The following RIMBP3 variants were observed in gnomAD, a reference collection of about 807,000 sequenced individuals.
The protein encoded by RIMBP3 is RIMS-binding protein 3A.
A neutral mutation model predicts 85.4 loss-of-function variants in RIMBP3; 1 was observed. That is an observed-to-expected ratio of 0.01 (90% CI 0.00 to 0.06). The LOEUF is 0.06. Among genes scored for constraint, RIMBP3 ranks in the 10% least tolerant of loss-of-function variants. RIMBP3 has a pLI of 1.00. For synonymous variants in RIMBP3, 10 were observed against 660.9 expected, an observed-to-expected ratio of 0.02 and a Z score of 15.11; for missense variants, 29 against 1,504.2, an observed-to-expected ratio of 0.02 and a Z score of 16.22.
chr22:18,607,249 G>T lies in RIMBP3; in HGVS notation c.4186C>A (p.Arg1396=). ...LCLDLWGTER[R]EERREPEPHS... ...GGCTCAGGCTCCCTCCTCTCCTCTCGCCTCTCTGTGCCCCACAGATCCAAG... is the reference window on the plus strand; with the variant it reads ...GGCTCAGGCTCCCTCCTCTCCTCTCTCCTCTCTGTGCCCCACAGATCCAAG... The change falls in exon 1 of 1, where the codon CGA becomes AGA. Residue 1396 remains arginine (R), a synonymous_variant. Coordinates refer to ENST00000619918, the MANE Select transcript of RIMBP3 (RefSeq NM_015672.2). The T allele has an allele frequency of 6.3e-7, 1 of 1,596,264 alleles. No individual in the cohort carries two copies.
the RIMBP3 span, chr22:18,609,457 G>GCT: frequency 7.0e-7 from 1 of 1,432,000 alleles, no homozygotes; most frequent in East Asian, 2.6e-5. Flanking sequence ...TGCTGCAGCA[G>GCT]CTGTTCGGCG....
At chr22:18,607,020 A>AGG in the RIMBP3 span, 1 of 1,178,574 alleles carries the variant, frequency 8.5e-7, no homozygotes, top group Non-Finnish European at 1.2e-6. Context: ...TGCAGCCTTG[A>AGG]GGTTGGCAGA....
the RIMBP3 span, chr22:18,609,401 C>CG: frequency 8.6e-7 from 1 of 1,162,552 alleles, no homozygotes; most frequent in Non-Finnish European, 1.2e-6. Flanking sequence ...GGGCCTTCTG[C>CG]GGGTCGCGTT....
Position 18,609,504 on chromosome 22 carries a change from CCCAGGTGGCCGCGCA to C in RIMBP3, c.1916_1930del (p.Val639_Leu643del). 6.6e-7 allele frequency: 1 copy of C among 1,507,850 alleles called. No homozygotes were observed. The highest frequency in any genetic ancestry group is 8.8e-7 in the Non-Finnish European group (1 of 1,135,428). 93.4% of individuals were successfully genotyped at this position (1,507,850 alleles called of 1,614,324 possible). On this transcript the variant is annotated inframe_deletion, in exon 1 of 1. Transcript: ENST00000619918. ...GGCATCGCGCTCTTGACACGCGCGG[CCCAGGTGGCCGCGCA>C]CTTCGCTATTCTCAGCCTCCACCTT...
In RIMBP3 at chr22:18,607,150, G is replaced by GACA; in HGVS notation, c.4282_4284dup (p.Cys1428dup). On this transcript the variant is annotated inframe_insertion, in exon 1 of 1. Coordinates refer to ENST00000619918, the MANE Select transcript of RIMBP3 (RefSeq NM_015672.2). ...TTGATGACTTTGGCGGATGGAGCTG[G>GACA]ACACAGTGCCGAGCTGGGCTCATGG... 6.6e-7 allele frequency: 1 copy of GACA among 1,514,448 alleles called. No individual in the cohort carries two copies. 93.8% of individuals were successfully genotyped at this position (1,514,448 alleles called of 1,614,324 possible).
At chr22:18,607,024 TG>T in the RIMBP3 span, 1 of 1,201,972 alleles carries the variant, frequency 8.3e-7, no homozygotes, top group Non-Finnish European at 1.2e-6. Context: ...GCCTTGAGGT[TG>T]GCAGACATCA....
chr22:18,607,841 GC>G, the RIMBP3 span: 1 of 1,546,834 alleles, frequency 6.5e-7, no homozygotes, highest in African/African-American at 1.4e-5. Context: ...CACAAGTGTA[GC>G]TAAAGGGTGG....
rs201532727 is a variant in RIMBP3, at chr22:18,608,162, A to C, written c.3273T>G (p.Asp1091Glu). 119,250 of 1,299,858 alleles carry C rather than the reference A, an allele frequency of 0.092. 5,243 individuals are homozygous for C. Among genetic ancestry groups the C allele is most frequent in the East Asian group, 0.46 (16,316 of 35,298 alleles). The allele number at this position is 1,299,858 out of a possible 1,614,324, so 80.5% of individuals were successfully genotyped here. The change falls in exon 1 of 1, where the codon GAT (aspartate) becomes GAG (glutamate). Residue 1091 changes from aspartate to glutamate, a missense_variant. By Grantham distance (45) the Asp-to-Glu change is conservative. Transcript: ENST00000619918. ...LLAGPPYPPL[D>E]VLVERHASPG... ...GCGAGGCATGGCGCTCCACCAGCACATCCAGCGGTGGGTAGGGAGGTCCTG... is the reference window on the plus strand; with the variant it reads ...GCGAGGCATGGCGCTCCACCAGCACCTCCAGCGGTGGGTAGGGAGGTCCTG...
the RIMBP3 span, chr22:18,608,600 G>T: frequency 1.2e-6 from 2 of 1,611,874 alleles, no homozygotes; most frequent in Admixed American, 1.7e-5. Context: ...TGACCATCTG[G>T]CACAGCCCTC....
the RIMBP3 span, chr22:18,608,946 GCAGGAGCCGCCGAGCC>G: frequency 1.2e-5 from 19 of 1,540,026 alleles, no homozygotes; most frequent in Non-Finnish European, 1.6e-5. Flanking sequence ...CTTGGGGGCA[GCAGGAGCCGCCGAGCC>G]CCCCATTTCC....
At chr22:18,607,530 G>T in the RIMBP3 span, 1 of 1,368,182 alleles carries the variant, frequency 7.3e-7, no homozygotes, top group Non-Finnish European at 9.9e-7. Context: ...GTCACTGACT[G>T]AAGGTGGCCT....
chr22:18,609,357 T>TGTA lies in RIMBP3; in HGVS notation c.2075_2077dup (p.Ile692_Gln693insLeu). 3.3e-6 allele frequency: 3 copies of TGTA among 900,424 alleles called. No homozygotes were observed. Among genetic ancestry groups the TGTA allele is most frequent in the Non-Finnish European group, 4.8e-6 (3 of 631,062 alleles). The allele number at this position is 900,424 out of a possible 1,614,324, so 55.8% of individuals were successfully genotyped here. On this transcript the variant is annotated inframe_insertion, in exon 1 of 1. Coordinates refer to ENST00000619918, the MANE Select transcript of RIMBP3 (RefSeq NM_015672.2). ...GTGACCAGGCCGACACTGGAGCGCC[T>TGTA]GTATCTCCTTCCAGGAAGGATGGAG...
the RIMBP3 span, chr22:18,609,475 C>CGG: frequency 0.079 from 108,917 of 1,378,916 alleles, 29 homozygotes; most frequent in South Asian, 0.089. Flanking sequence ...GCGATCAAGC[C>CGG]GGAGGCATCG....
chr22:18,609,787 CGTTGCCCT>C, the RIMBP3 span: 1 of 1,474,126 alleles, frequency 6.8e-7, no homozygotes, highest in East Asian at 2.5e-5. Flanking sequence ...CAAGCGCCAC[CGTTGCCCT>C]GCTGAAGCAT....
Position 18,608,328 on chromosome 22 carries a change from G to C in RIMBP3, c.3107C>G (p.Ala1036Gly), listed in dbSNP as rs769099974. 1 of 1,610,146 alleles carries C rather than the reference G, an allele frequency of 6.2e-7. No individual in the cohort carries two copies. Among genetic ancestry groups the C allele is most frequent in the African/African-American group, 1.3e-5 (1 of 74,860 alleles). The change falls in exon 1 of 1, where the codon GCG becomes GGG. Residue 1036 changes from alanine to glycine, a missense_variant. Ala to Gly is a moderately conservative substitution (Grantham distance 60). Coordinates refer to ENST00000619918, the MANE Select transcript of RIMBP3 (RefSeq NM_015672.2). ...LDDREHALTP[A>G]GVSCYTFQGL... Reference sequence around the variant, plus strand: ...CTGGAAGGTGTAGCAGCTCACGCCCGCTGGGGTCAGGGCATGCTCTCGGTC... The same window carrying C: ...CTGGAAGGTGTAGCAGCTCACGCCCCCTGGGGTCAGGGCATGCTCTCGGTC...
Position 18,608,325 on chromosome 22 carries a change from C to G in RIMBP3, c.3110G>C (p.Gly1037Ala), listed in dbSNP as rs1306550922. Reference protein sequence around the residue: ...DDREHALTPAGVSCYTFQGLC... With the variant: ...DDREHALTPAAVSCYTFQGLC... ...GCCCTGGAAGGTGTAGCAGCTCACGCCCGCTGGGGTCAGGGCATGCTCTCG... is the reference window on the plus strand; with the variant it reads ...GCCCTGGAAGGTGTAGCAGCTCACGGCCGCTGGGGTCAGGGCATGCTCTCG... The change falls in exon 1 of 1, where the codon GGC becomes GCC. Residue 1037 changes from glycine to alanine, a missense_variant. Transcript: ENST00000619918. 1 of 1,611,078 alleles carries G rather than the reference C, an allele frequency of 6.2e-7. No individual in the cohort carries two copies. Among genetic ancestry groups the G allele is most frequent in the African/African-American group, 1.3e-5 (1 of 74,876 alleles).
rs774342150 is a variant in RIMBP3, at chr22:18,610,167, T to G, written c.1268A>C (p.Glu423Ala). 1.1e-5 allele frequency: 9 copies of G among 833,492 alleles called. No individual in the cohort carries two copies. The highest frequency in any genetic ancestry group is 1.6e-5 in the Non-Finnish European group (9 of 576,360). 51.6% of individuals were successfully genotyped at this position (833,492 alleles called of 1,614,324 possible). ...TAGGCGCCGCGCGAGCCCGGTCAGCTCCGCGCGCTTTACCTTGAGCCGCTT... is the reference window on the plus strand; with the variant it reads ...TAGGCGCCGCGCGAGCCCGGTCAGCGCCGCGCGCTTTACCTTGAGCCGCTT... ...KVKRLKVKRA[E>A]LTGLARRLAD... Residue 423 changes from glutamate to alanine, a missense_variant, in exon 1 of 1, where the codon GAG becomes GCG. Transcript: ENST00000619918.
At chr22:18,606,984 C>CT in the RIMBP3 span, 1 of 965,540 alleles carries the variant, frequency 1.0e-6, no homozygotes, top group Non-Finnish European at 1.5e-6. Context: ...TAGCAACTGC[C>CT]TTTTCTGGAA....
At position 18,608,210 on chromosome 22, in the gene RIMBP3, G is replaced by A. The variant is rs368799917; in HGVS notation, c.3225C>T (p.Thr1075=). The part of the protein sequence containing the change: ...LQVYWGTMSS[T]VTFDTLLAGP... ...CTGCCAAGAGTGTGTCGAAGGTGAC[G>A]GTGGAGGACATAGTTCCCCAATACA... Residue 1075 remains threonine, a synonymous_variant, in exon 1 of 1, where the codon ACC becomes ACT. Coordinates refer to ENST00000619918, the MANE Select transcript of RIMBP3 (RefSeq NM_015672.2). 2.9e-5 allele frequency: 47 copies of A among 1,611,816 alleles called. No homozygotes were observed. The highest frequency in any genetic ancestry group is 2.9e-4 in the East Asian group (13 of 44,856).
Sources: gnomAD v4.1 joint callset for allele counts on GRCh38, gnomAD v4.1.1 for gene constraint, MANE v1.5 for transcripts, NCBI Gene and HGNC (gene_info 2026-07-23, HGNC 2026-07-21) for gene names.